Variants in GPC5 observed in about 807,000 individuals in gnomAD.
GPC5 encodes the protein glypican-5.
Under a neutral mutation model 53.9 loss-of-function variants are expected in GPC5, and 47 were observed. The ratio of observed to expected loss-of-function variants is 0.87; its 90% CI spans 0.69 to 1.11. The LOEUF (loss-of-function observed/expected upper bound fraction) is 1.11, where lower values mean the gene tolerates loss of function less well. GPC5 is among the 50% of genes most tolerant of loss of function. GPC5 has a pLI of 0.00. For synonymous variants in GPC5, 286 were observed against 263.3 expected (o/e 1.09, Z -0.84); for missense variants, 748 against 713.1 (o/e 1.05, Z -0.56).
intron 7 of GPC5, among the ~76,000 whole-genome samples, chr13:92,260,477 A>G (rs903413438): frequency 4.6e-5 from 7 of 152,210 alleles, no homozygotes; most frequent in African/African-American, 1.7e-4. Context: ...GTAGATCCGC[A>G]TCAGGCCCGG....
chr13:92,389,639 C>T (rs1404123635), intron 7 of GPC5, among the ~76,000 whole-genome samples: 1 of 151,974 alleles, frequency 6.6e-6, no homozygotes, highest in Non-Finnish European at 1.5e-5. Flanking sequence ...TTCAGAGTTC[C>T]ACACTGCTAA....
At chr13:91,462,893 C>T (rs1882023256) in intron 2 of GPC5, among the ~76,000 whole-genome samples, 1 of 151,994 alleles carries the variant, frequency 6.6e-6, no homozygotes, top group Admixed American at 6.6e-5. Context: ...TATCTGGCAA[C>T]TTCTACTCAA....
intron 7 of GPC5, among the ~76,000 whole-genome samples, chr13:92,656,867 G>A (rs1348850567): frequency 1.3e-5 from 2 of 152,184 alleles, no homozygotes; most frequent in Admixed American, 6.5e-5. Context: ...GAGGACAGAG[G>A]ATGGCTTGAG....
chr13:92,794,433 A>C (rs1156992364), intron 7 of GPC5, among the ~76,000 whole-genome samples: 1 of 152,180 alleles, frequency 6.6e-6, no homozygotes, highest in Non-Finnish European at 1.5e-5. Flanking sequence ...TATCATAGTG[A>C]ATGGGCAAAA....
At chr13:91,826,255 G>A (rs2038575028) in intron 5 of GPC5, among the ~76,000 whole-genome samples, 1 of 152,044 alleles carries the variant, frequency 6.6e-6, no homozygotes, top group East Asian at 1.9e-4. Flanking sequence ...ATACGTTCAA[G>A]CACTTAAAGG....
At chr13:92,724,161 A>C (rs1261512056) in intron 7 of GPC5, among the ~76,000 whole-genome samples, 1 of 151,560 alleles carries the variant, frequency 6.6e-6, no homozygotes, top group Non-Finnish European at 1.5e-5. Context: ...AAAGTCTAAA[A>C]TTATTCTAGG....
chr13:92,320,898 T>C (rs1951710799), intron 7 of GPC5, among the ~76,000 whole-genome samples: 1 of 152,204 alleles, frequency 6.6e-6, no homozygotes, highest in Non-Finnish European at 1.5e-5. Context: ...CTACCAAATA[T>C]ATAAACCAAC....
chr13:92,259,140 GAATTT>G (rs2042747504), intron 7 of GPC5, among the ~76,000 whole-genome samples: 1 of 152,134 alleles, frequency 6.6e-6, no homozygotes, highest in African/African-American at 2.4e-5. Context: ...ATCTTAAGCT[GAATTT>G]AATTTGTTTC....
At chr13:91,635,465 A>G (rs1303306639) in intron 2 of GPC5, among the ~76,000 whole-genome samples, 2 of 152,070 alleles carry the variant, frequency 1.3e-5, no homozygotes, top group African/African-American at 2.4e-5. Flanking sequence ...CATTTTATAG[A>G]TACAGTATAT....
At chr13:92,293,953 T>C (rs9516056) in intron 7 of GPC5, among the ~76,000 whole-genome samples, 10,196 of 152,198 alleles carry the variant, frequency 0.067, 389 homozygotes, top group Non-Finnish European at 0.086. Context: ...GATGATCATA[T>C]GTTTTTTTGT....
At chr13:91,659,308 C>T (rs554676532) in intron 2 of GPC5, among the ~76,000 whole-genome samples, 37 of 152,130 alleles carry the variant, frequency 2.4e-4, no homozygotes, top group Admixed American at 8.5e-4. Flanking sequence ...AGGGCAGTAG[C>T]GAAGTGCCCT....
chr13:92,377,416 A>G (rs1290764248), intron 7 of GPC5, among the ~76,000 whole-genome samples: 3 of 152,208 alleles, frequency 2.0e-5, no homozygotes, highest in African/African-American at 7.2e-5. Context: ...GAAATATCAA[A>G]TGATATGGAA....
At chr13:91,481,095 T>C (rs777045350) in intron 2 of GPC5, among the ~76,000 whole-genome samples, 30 of 152,328 alleles carry the variant, frequency 2.0e-4, no homozygotes, top group Admixed American at 5.2e-4. Flanking sequence ...AAGCTCATTA[T>C]ACAAACATCT....
chr13:92,151,675 G>C (rs1273088525), intron 7 of GPC5, among the ~76,000 whole-genome samples: 1 of 152,046 alleles, frequency 6.6e-6, no homozygotes, highest in Non-Finnish European at 1.5e-5. Context: ...TTTCTTTAAG[G>C]ATACTTCTAT....
At chr13:92,684,535 C>T (rs894891628) in intron 7 of GPC5, among the ~76,000 whole-genome samples, 2 of 152,152 alleles carry the variant, frequency 1.3e-5, no homozygotes, top group African/African-American at 4.8e-5. Flanking sequence ...TCCCAAAGTG[C>T]TGGGATTACA....
chr13:92,712,306 T>G (rs919143559), intron 7 of GPC5, among the ~76,000 whole-genome samples: 1 of 151,994 alleles, frequency 6.6e-6, no homozygotes, highest in African/African-American at 2.4e-5. Context: ...AACAGGCCTA[T>G]TTCTCAAAAG....
chr13:92,519,580 T>G (rs917011731), intron 7 of GPC5, among the ~76,000 whole-genome samples: 1 of 152,090 alleles, frequency 6.6e-6, no homozygotes, highest in Non-Finnish European at 1.5e-5. Flanking sequence ...TTGAAACCAA[T>G]GAGAACAAAG....
chr13:92,150,209 A>G (rs547290961), intron 7 of GPC5, among the ~76,000 whole-genome samples: 1 of 151,616 alleles, frequency 6.6e-6, no homozygotes, highest in South Asian at 2.1e-4. Flanking sequence ...AATCTTGAGT[A>G]ATGATTGCAC....
intron 7 of GPC5, among the ~76,000 whole-genome samples, chr13:92,800,584 T>C (rs1876865087): frequency 1.3e-5 from 2 of 151,842 alleles, no homozygotes; most frequent in Admixed American, 1.3e-4. Flanking sequence ...ATCTTGCTCC[T>C]GCTTTATGAA....
Sources: gnomAD v4.1 joint callset for allele counts (sites outside exome capture counted in the v4.1 genomes callset) on GRCh38, gnomAD v4.1.1 for gene constraint, MANE v1.5 for transcripts, NCBI Gene and HGNC (gene_info 2026-07-23, HGNC 2026-07-21) for gene names.